SAFB2: variants seen among roughly 807,000 people sequenced by gnomAD.
SAFB2 encodes scaffold attachment factor B2.
SAFB2 carries 32 observed loss-of-function variants against 100.6 expected under a neutral mutation model. The ratio of observed to expected loss-of-function variants is 0.32; its 90% CI spans 0.24 to 0.43. The LOEUF (loss-of-function observed/expected upper bound fraction) is 0.43. SAFB2 is among the 20% of genes least tolerant of loss of function. The pLI is 1.00. For missense variants in SAFB2, 1,185 were observed against 1,163.4 expected (o/e 1.02, Z -0.27); for synonymous variants, 500 against 439.4 (o/e 1.14, Z -1.72).
At chr19:5,592,714 A>T (rs2052437200) in intron 16 of SAFB2, 33 bp downstream of exon 16, 1 of 1,611,936 alleles carries the variant, frequency 6.2e-7, no homozygotes, top group Admixed American at 1.7e-5. Context: ...GCCCACAATG[A>T]CTGTAGCTAA....
At chr19:5,598,489 C>G (rs2052580412) in intron 13 of SAFB2, 1 of 378,178 alleles carries the variant, frequency 2.6e-6, no homozygotes, top group South Asian at 3.5e-5. Flanking sequence ...TGCCTTCCGG[C>G]TCGAAAAGCC....
intron 13 of SAFB2, 50 bp downstream of exon 13, chr19:5,598,743 G>A: frequency 6.6e-7 from 1 of 1,525,214 alleles, no homozygotes; most frequent in Non-Finnish European, 9.1e-7. Context: ...ACGGGCCGTG[G>A]AGCCATCGTG....
intron 12 of SAFB2, among the ~76,000 whole-genome samples, chr19:5,599,756 G>A (rs1482549306): frequency 9.1e-6 from 1 of 109,680 alleles, no homozygotes; most frequent in Non-Finnish European, 1.8e-5. Flanking sequence ...ACTACCTCCA[G>A]CTTTAACATA....
chr19:5,592,964 G>A (rs2052446504), intron 15 of SAFB2, 77 bp from the exon 16 acceptor site: 1 of 1,428,584 alleles, frequency 7.0e-7, no homozygotes, highest in Non-Finnish European at 9.7e-7. Flanking sequence ...GGTGGAGGTG[G>A]GGAGGGGAGC....
Position 5,590,406 on chromosome 19 carries a change from G to C in SAFB2, c.2397C>G (p.His799Gln). The part of the protein sequence containing the change: ...PMMGDHRDGQ[H>Q]YGDDRHGHGG... The stretch of plus-strand genomic sequence containing the variant: ...CGTGGCCATGGCGGTCATCTCCATA[G>C]TGCTGGAAGGCAGGAGAGGAACAGG... Residue 799 changes from histidine to glutamine, a missense_variant and splice_region_variant, in exon 18 of 21, where the codon CAC becomes CAG. His to Gln is a conservative substitution (Grantham distance 24, BLOSUM62 0). Around this residue, in one of 3 missense-constraint regions of SAFB2, gnomAD observed 740 missense variants for 687.1 expected, o/e 1.08. Transcript: ENST00000252542. The C allele has an allele frequency of 6.2e-7, 1 of 1,607,238 alleles. No homozygotes were observed. Among genetic ancestry groups the C allele is most frequent in the Non-Finnish European group, 8.5e-7 (1 of 1,176,654 alleles).
At chr19:5,594,282 G>T in intron 14 of SAFB2, 104 bp from the exon 15 acceptor site, 1 of 1,358,574 alleles carries the variant, frequency 7.4e-7, no homozygotes, top group Non-Finnish European at 9.7e-7. Flanking sequence ...AAAAAAAATG[G>T]ATCCAAAAGC....
At position 5,617,380 on chromosome 19, in the gene SAFB2, A is replaced by G. The variant is rs530700040; in HGVS notation, c.275-894T>C. ...TGATAGAATTCTGCTAGGAATTGCA[A>G]AAGGAGGCCAGAGGAGTTCAAGAGT... On this transcript the variant is annotated intron_variant, in intron 2 of 20. Transcript: ENST00000252542. Among the ~76,000 whole-genome samples the G allele has an allele frequency of 8.0e-4, 122 of 152,278 alleles. 1 individual carries two copies. The highest frequency in any genetic ancestry group is 2.7e-3 in the African/African-American group (111 of 41,566).
chr19:5,610,752 T>A, intron 7 of SAFB2, 64 bp from the exon 8 acceptor site: 1 of 1,173,172 alleles, frequency 8.5e-7, no homozygotes, highest in South Asian at 1.4e-5. Flanking sequence ...ACTAAAAATA[T>A]GATTATGTGC....
At chr19:5,599,489 G>A (rs1404184953) in intron 12 of SAFB2, among the ~76,000 whole-genome samples, 1 of 152,182 alleles carries the variant, frequency 6.6e-6, no homozygotes, top group African/African-American at 2.4e-5. Flanking sequence ...ATTAGCCCGA[G>A]AGCTGAAGAT....
rs1440021429 is a variant in SAFB2, at chr19:5,622,685, A to G, written c.31T>C (p.Ser11Pro). The change falls in exon 1 of 21, where the codon TCG becomes CCG. Residue 11 changes from serine (S) to proline (P), a missense_variant. By Grantham distance (74) the Ser-to-Pro change is moderately conservative. Around this residue, in one of 3 missense-constraint regions of SAFB2, gnomAD observed 351 missense variants for 341.2 expected, o/e 1.03. Coordinates refer to ENST00000252542, the MANE Select transcript of SAFB2 (RefSeq NM_014649.3). Reference sequence around the variant, plus strand: ...CCGAGAGAAGCCGTGCCAGGGCCCGAGTCGCCCGACCCGGGCAGAGTCTCC... The same window carrying G: ...CCGAGAGAAGCCGTGCCAGGGCCCGGGTCGCCCGACCCGGGCAGAGTCTCC... MAETLPGSGD[S>P]GPGTASLGPG... The G allele has an allele frequency of 1.2e-6, 2 of 1,606,844 alleles. No homozygotes were observed. Among genetic ancestry groups the G allele is most frequent in the Non-Finnish European group, 1.7e-6 (2 of 1,178,780 alleles).
chr19:5,622,522 C>T lies in SAFB2; in HGVS notation c.186+8G>A. ...CCTGCGCCACCCCCGAGCCCCGCGC[C>T]GCCTCACCTTCTTGAGCCGCTCCAT... On this transcript the variant is annotated splice_region_variant and intron_variant, in intron 1 of 20. Coordinates refer to ENST00000252542, the MANE Select transcript of SAFB2 (RefSeq NM_014649.3). 2.5e-6 allele frequency: 4 copies of T among 1,599,884 alleles called. No individual in the cohort carries two copies. Among genetic ancestry groups the T allele is most frequent in the South Asian group, 1.1e-5 (1 of 90,028 alleles).
intron 6 of SAFB2, chr19:5,612,294 C>T (rs747865670): frequency 1.1e-5 from 6 of 548,424 alleles, no homozygotes; most frequent in African/African-American, 7.6e-5. Flanking sequence ...TGCCACTCTA[C>T]GTGGTTAGAC....
Position 5,622,520 on chromosome 19 carries a change from G to A in SAFB2, c.186+10C>T, listed in dbSNP as rs1199182359. 4 of 1,592,696 alleles carry A rather than the reference G, an allele frequency of 2.5e-6. No homozygotes were observed. The Admixed American group carries it at 6.8e-5, about 27-fold the overall frequency. On this transcript the variant is annotated intron_variant, in intron 1 of 20. Transcript: ENST00000252542. ...CTCCTGCGCCACCCCCGAGCCCCGCGCCGCCTCACCTTCTTGAGCCGCTCC... is the reference window on the plus strand; with the variant it reads ...CTCCTGCGCCACCCCCGAGCCCCGCACCGCCTCACCTTCTTGAGCCGCTCC...
At chr19:5,605,164 TCGCGATCTCGGCTCAC>T (rs11274167) in intron 9 of SAFB2, among the ~76,000 whole-genome samples, 2,171 of 151,856 alleles carry the variant, frequency 0.014, 48 homozygotes, top group Admixed American at 0.053. Flanking sequence ...GAGTGCAGTG[TCGCGATCTCGGCTCAC>T]CGCGACCTCC....
intron 15 of SAFB2, 45 bp from the exon 16 acceptor site, chr19:5,592,932 GAGGAGGAGGAAAAA>G (rs1201653396): frequency 3.8e-6 from 6 of 1,591,014 alleles, no homozygotes; most frequent in South Asian, 3.4e-5. Flanking sequence ...ATTAATGAGA[GAGGAGGAGGAAAAA>G]AGGAGGAGGT....
intron 9 of SAFB2, among the ~76,000 whole-genome samples, chr19:5,606,712 A>C (rs189385258): frequency 6.6e-6 from 1 of 152,332 alleles, no homozygotes; most frequent in East Asian, 1.9e-4. Context: ...AACTGAAGGA[A>C]CAAAGATTAA....
At chr19:5,619,769 CG>C (rs941168624) in intron 2 of SAFB2, among the ~76,000 whole-genome samples, 6 of 151,400 alleles carry the variant, frequency 4.0e-5, no homozygotes, top group Non-Finnish European at 8.8e-5. Flanking sequence ...CACTTGAACC[CG>C]GGAGGCGGAG....
chr19:5,589,477 G>T (rs551930094), intron 18 of SAFB2, among the ~76,000 whole-genome samples: 12 of 152,010 alleles, frequency 7.9e-5, no homozygotes, highest in Admixed American at 7.2e-4. Flanking sequence ...ACCCTGTGGC[G>T]CTGGGCAGGG....
At chr19:5,597,617 C>T (rs1480174011) in intron 13 of SAFB2, among the ~76,000 whole-genome samples, 2 of 152,210 alleles carry the variant, frequency 1.3e-5, no homozygotes, top group Middle Eastern at 3.4e-3. Flanking sequence ...ACTGGACACA[C>T]GGAGGCTTTA....
Sources: allele counts gnomAD v4.1 joint callset (sites outside exome capture counted in the v4.1 genomes callset), GRCh38; gene constraint gnomAD v4.1.1; regional missense constraint gnomAD v4.1.1; transcripts MANE v1.5; gene names NCBI Gene and HGNC (gene_info 2026-07-23, HGNC 2026-07-21).